ENTPD5: variants seen among roughly 807,000 people sequenced by gnomAD.
ENTPD5 encodes the protein ectonucleoside triphosphate diphosphohydrolase 5 (inactive).
A neutral mutation model predicts 60.2 loss-of-function variants in ENTPD5; 49 were observed. The ratio of observed to expected loss-of-function variants is 0.81; its 90% confidence interval spans 0.65 to 1.03. The LOEUF (loss-of-function observed/expected upper bound fraction) is 1.03, where lower values mean the gene tolerates loss of function less well. ENTPD5 is among the 50% of genes least tolerant of loss of function. The probability of loss-of-function intolerance (pLI) is 0.00; values close to 1 mark genes in which losing one functional copy is unlikely to be tolerated. For missense variants in ENTPD5, 480 were observed against 507.6 expected, an observed-to-expected ratio of 0.95 and a Z score of 0.52; for synonymous variants, 187 against 185.4, an observed-to-expected ratio of 1.01 and a Z score of -0.07.
chr14:74,008,069 A>G (rs2058735803), intron 3 of ENTPD5, among the ~76,000 whole-genome samples: 1 of 151,880 alleles, frequency 6.6e-6, no homozygotes, highest in African/African-American at 2.4e-5. Context: ...CCTGACCTCA[A>G]GTGATGCGTC....
rs1017563621 is a variant in ENTPD5 at position 74,019,236 on chromosome 14, A to G, written c.-238+14T>C. On this transcript the variant is annotated intron_variant, in intron 1 of 15. Transcript: ENST00000334696. Reference sequence around the variant, plus strand: ...ACGTAGAGGATCCGGCGCCGCCGACACTCGCACACTCACCGCGCGCGCGCC... The same window carrying G: ...ACGTAGAGGATCCGGCGCCGCCGACGCTCGCACACTCACCGCGCGCGCGCC... The G allele has an allele frequency of 1.1e-5, 2 of 186,288 alleles. No individual in the cohort carries two copies. Among genetic ancestry groups the G allele is most frequent in the African/African-American group, 2.4e-5 (1 of 41,904 alleles). 11.5% of individuals were successfully genotyped at this position (186,288 alleles called of 1,614,324 possible).
At chr14:73,963,164 A>C, downstream of ENTPD5, 1 of 714,798 alleles carries the variant, frequency 1.4e-6, no homozygotes, top group Non-Finnish European at 2.5e-6. Context: ...ATAATGAATG[A>C]TAATTTGCTG....
intron 3 of ENTPD5, 122 bp from the exon 4 acceptor site, chr14:73,988,294 G>A: frequency 1.1e-6 from 1 of 907,244 alleles, no homozygotes; most frequent in Non-Finnish European, 1.6e-6. Context: ...TGTACAACAA[G>A]CTAAACCAGG....
At chr14:73,958,672 G>C (rs2056560284), downstream of ENTPD5, 1 of 1,324,818 alleles carries the variant, frequency 7.5e-7, no homozygotes, top group Admixed American at 3.1e-5. Context: ...TTCAGCTCCA[G>C]TGTGTGCCCC....
At chr14:74,002,473 C>T (rs535243220) in intron 3 of ENTPD5, among the ~76,000 whole-genome samples, 2 of 151,728 alleles carry the variant, frequency 1.3e-5, no homozygotes, top group South Asian at 4.1e-4. Flanking sequence ...CACTATGTTA[C>T]CCAGGCTGGT....
At chr14:73,987,852 T>C (rs372952572) in intron 4 of ENTPD5, 34 bp downstream of exon 4, 419 of 1,604,324 alleles carry the variant, frequency 2.6e-4, no homozygotes, top group Non-Finnish European at 3.4e-4. Context: ...AGTGTGGATT[T>C]ACAGACTCTA....
chr14:73,958,058 G>A (rs1326907176), downstream of ENTPD5: 3 of 1,011,710 alleles, frequency 3.0e-6, no homozygotes, highest in African/African-American at 4.7e-5. Context: ...TGCTGTCCTG[G>A]GACCTTGCTT....
intron 6 of ENTPD5, 64 bp from the exon 7 acceptor site, chr14:73,977,438 T>TTA: frequency 7.9e-7 from 1 of 1,262,972 alleles, no homozygotes; most frequent in Non-Finnish European, 1.1e-6. Context: ...TTTCCATATT[T>TTA]TGACAGTGTC....
At chr14:73,957,016 C>T (rs114427096), downstream of ENTPD5, among the ~76,000 whole-genome samples, 909 of 152,142 alleles carry the variant, frequency 6.0e-3, 8 homozygotes, top group African/African-American at 0.021. Flanking sequence ...GCAGTTGTCT[C>T]TGAGTAGTTT....
At position 73,970,103 on chromosome 14, in the gene ENTPD5, G is replaced by A; in HGVS notation, c.1107C>T (p.Phe369=). ...TGCACAGGAAAGGACTGCCTGAGGT[G>A]AAGTTTTCCAAGTTATCACACACTG... The part of the protein sequence containing the change: ...AREVCDNLEN[F]TSGSPFLCMD... Residue 369 remains phenylalanine (F), a synonymous_variant, in exon 15 of 16, where the codon TTC becomes TTT. Coordinates refer to ENST00000334696, the MANE Select transcript of ENTPD5 (RefSeq NM_001249.5). 1 of 1,613,570 alleles carries A rather than the reference G, an allele frequency of 6.2e-7. No individual in the cohort carries two copies. Among genetic ancestry groups the A allele is most frequent in the Non-Finnish European group, 8.5e-7 (1 of 1,179,534 alleles).
At chr14:73,956,147 A>T (rs2056424673), downstream of ENTPD5, 4 of 479,486 alleles carry the variant, frequency 8.3e-6, no homozygotes, top group Non-Finnish European at 1.5e-5. Context: ...ACATGGTGAA[A>T]CCCTGTCTCT....
At chr14:73,976,726 C>T (rs2057461413) in intron 8 of ENTPD5, among the ~76,000 whole-genome samples, 1 of 152,058 alleles carries the variant, frequency 6.6e-6, no homozygotes, top group South Asian at 2.1e-4. Flanking sequence ...GATTCTCCAG[C>T]CTCCTGAGTA....
downstream of ENTPD5, chr14:73,961,479 G>A (rs760209040): frequency 5.0e-6 from 8 of 1,614,076 alleles, no homozygotes; most frequent in East Asian, 8.9e-5. Flanking sequence ...GAGTCCATCC[G>A]CTTGCAGGAC....
At position 73,977,303 on chromosome 14, in the gene ENTPD5, G is replaced by A. The variant is rs1489508400; in HGVS notation, c.513C>T (p.Asp171=). The A allele has an allele frequency of 2.2e-5, 35 of 1,608,654 alleles. No homozygotes were observed. The highest frequency in any genetic ancestry group is 2.8e-5 in the Non-Finnish European group (33 of 1,177,996). Residue 171 remains aspartate (D), a synonymous_variant, in exon 7 of 16, where the codon GAC becomes GAT. Transcript: ENST00000334696. The part of the protein sequence containing the change: ...KGSVSIMDGS[D]EGILAWVTVN... ...GCATATCAACACCTCTCCCACCTTC[G>A]TCGGATCCATCCATGATGCTAACAC...
chr14:74,007,317 C>T (rs1234033782), intron 3 of ENTPD5, among the ~76,000 whole-genome samples: 2 of 152,128 alleles, frequency 1.3e-5, no homozygotes, highest in Non-Finnish European at 2.9e-5. Context: ...GTCAGGAAAT[C>T]AAGACCATCC....
In ENTPD5 at chr14:73,963,715, AGT is replaced by A. The variant is rs569146615; in HGVS notation, c.*3211_*3212del. 25 of 152,602 alleles carry A rather than the reference AGT, an allele frequency of 1.6e-4. No homozygotes were observed. The highest frequency in any genetic ancestry group is 5.3e-4 in the African/African-American group (22 of 41,530). 9.5% of individuals were successfully genotyped at this position (152,602 alleles called of 1,614,324 possible). A position where few individuals can be genotyped will look rare whatever the true frequency, so the allele number is the denominator to read the frequency against. ...ACTGGTGGCCAACTGGAGGGAGGGG[AGT>A]TTTACTGTGGGTTTTTGAAGAGGTC... On this transcript the variant is annotated 3_prime_UTR_variant, in exon 16 of 16. Transcript: ENST00000334696.
chr14:74,017,613 G>A lies in ENTPD5; in HGVS notation c.-238+1637C>T, dbSNP rs117291050. 5.7e-4 allele frequency among the ~76,000 whole-genome samples: 86 copies of A among 151,368 alleles called. 6 individuals are homozygous for A. The East Asian group carries it at 0.014, about 24-fold the overall frequency. On this transcript the variant is annotated intron_variant, in intron 1 of 15. Transcript: ENST00000334696. ...AAAAAAAAATTTTACAGCCGGGGGCGGTGGCTCATGCCTGTAAATCTCAAC... is the reference window on the plus strand; with the variant it reads ...AAAAAAAAATTTTACAGCCGGGGGCAGTGGCTCATGCCTGTAAATCTCAAC...
At chr14:74,017,955 G>C (rs974882285) in intron 1 of ENTPD5, among the ~76,000 whole-genome samples, 4 of 151,750 alleles carry the variant, frequency 2.6e-5, no homozygotes, top group Non-Finnish European at 5.9e-5. Flanking sequence ...GCCGAGGCAG[G>C]TGGATCACCT....
At chr14:74,007,952 T>C (rs904143326) in intron 3 of ENTPD5, 1 of 151,080 alleles carries the variant, frequency 6.6e-6, no homozygotes, top group Non-Finnish European at 1.5e-5. Context: ...TGCCTCAGCC[T>C]CTCCAGAAGC....
Sources: gnomAD v4.1 joint callset for allele counts (sites outside exome capture counted in the v4.1 genomes callset) on GRCh38, gnomAD v4.1.1 for gene constraint, MANE v1.5 for transcripts, NCBI Gene and HGNC (gene_info 2026-07-23, HGNC 2026-07-21) for gene names.